The following ANGPT1 variants were observed in gnomAD, a reference collection of about 807,000 sequenced individuals.
The protein encoded by ANGPT1 is angiopoietin 1.
A neutral mutation model predicts 62.2 loss-of-function variants in ANGPT1; 17 were observed. The observed-to-expected ratio is 0.27, with a 90% CI of 0.19 to 0.41. ANGPT1 has a LOEUF of 0.41. Ranked by LOEUF, ANGPT1 falls within the 10% of genes least tolerant of loss-of-function variation. The pLI is 1.00. For synonymous variants in ANGPT1, 199 were observed against 198.9 expected, an observed-to-expected ratio of 1.00 and a Z score of 0.00; for missense variants, 478 against 594.9, an observed-to-expected ratio of 0.80 and a Z score of 2.04.
At chr8:107,415,341 T>G (rs1810711667) in intron 1 of ANGPT1, among the ~76,000 whole-genome samples, 1 of 152,166 alleles carries the variant, frequency 6.6e-6, no homozygotes, top group African/African-American at 2.4e-5. Flanking sequence ...GCTTGTATTT[T>G]GAGTCAACTA....
In ANGPT1 at chr8:107,497,174, CAAATGCTCCCCTAAGGAACTTT is replaced by C. The variant is rs1019996495; in HGVS notation, c.297+66_297+87del. The C allele has an allele frequency of 9.7e-6, 14 of 1,438,574 alleles. No homozygotes were observed. In the African/African-American group the frequency reaches 1.9e-4, roughly 19 times the overall value. 89.1% of individuals were successfully genotyped at this position (1,438,574 alleles called of 1,614,324 possible). A position where few individuals can be genotyped will look rare whatever the true frequency, so the allele number is the denominator to read the frequency against. On this transcript the variant is annotated intron_variant, in intron 1 of 8. Transcript: ENST00000517746. ...CCCCCTGGAGCAAAAGGTAAATACA[CAAATGCTCCCCTAAGGAACTTT>C]AAGTTAGCTGCAGTGCAAGAAAGGA...
intron 6 of ANGPT1, among the ~76,000 whole-genome samples, chr8:107,290,279 A>G (rs1013648308): frequency 6.6e-6 from 1 of 152,198 alleles, no homozygotes; most frequent in African/African-American, 2.4e-5. Context: ...GAGGAAAGGC[A>G]GAAAGGAAAG....
chr8:107,277,370 T>G (rs2130100730), intron 7 of ANGPT1, among the ~76,000 whole-genome samples: 1 of 152,324 alleles, frequency 6.6e-6, no homozygotes, highest in African/African-American at 2.4e-5. Context: ...CTTTTAACAT[T>G]TAAAAATAGT....
rs1277082776 is a variant in ANGPT1, at chr8:107,249,485, C to T, written c.*2370G>A. ...ACGTATTAAAAATAAAATGAAGTTG[C>T]ACAAATATTACTTTCAATTTTATTT... On this transcript the variant is annotated 3_prime_UTR_variant, in exon 9 of 9. Transcript: ENST00000517746. 1 of 152,074 alleles carries T rather than the reference C, an allele frequency of 6.6e-6. No individual in the cohort carries two copies. The highest frequency in any genetic ancestry group is 1.5e-5 in the Non-Finnish European group (1 of 68,000). The allele number at this position is 152,074 out of a possible 1,614,324, so 9.4% of individuals were successfully genotyped here.
chr8:107,276,415 T>C (rs1813868089), intron 7 of ANGPT1, among the ~76,000 whole-genome samples: 1 of 152,126 alleles, frequency 6.6e-6, no homozygotes, highest in South Asian at 2.1e-4. Context: ...TCAACATATT[T>C]GCTACTGGTT....
chr8:107,332,695 G>A (rs756319004), intron 3 of ANGPT1, among the ~76,000 whole-genome samples: 18 of 152,140 alleles, frequency 1.2e-4, no homozygotes, highest in Admixed American at 9.8e-4. Context: ...CTGACTTGGC[G>A]GCTGAAGCCC....
chr8:107,317,500 T>C (rs1019444436), intron 4 of ANGPT1, among the ~76,000 whole-genome samples: 3 of 152,136 alleles, frequency 2.0e-5, no homozygotes, highest in Non-Finnish European at 4.4e-5. Context: ...CTTTTCTTTT[T>C]TCCTTCCTTC....
intron 1 of ANGPT1, among the ~76,000 whole-genome samples, chr8:107,455,838 C>A (rs192402980): frequency 3.7e-4 from 56 of 152,056 alleles, no homozygotes; most frequent in African/African-American, 1.3e-3. Context: ...GGTAGAAGAA[C>A]CTCCCTCCTC....
intron 1 of ANGPT1, among the ~76,000 whole-genome samples, chr8:107,467,086 G>T (rs1431031903): frequency 6.6e-6 from 1 of 151,956 alleles, no homozygotes; most frequent in African/African-American, 2.4e-5. Context: ...TAGAACACAG[G>T]TTTGTCAAGT....
At chr8:107,431,768 GCACTGA>G (rs1811193665) in intron 1 of ANGPT1, among the ~76,000 whole-genome samples, 1 of 151,618 alleles carries the variant, frequency 6.6e-6, no homozygotes, top group South Asian at 2.1e-4. Context: ...ATCATGCTAG[GCACTGA>G]GGAAACAGTT....
intron 3 of ANGPT1, among the ~76,000 whole-genome samples, chr8:107,323,201 G>A (rs1218236523): frequency 6.6e-6 from 1 of 152,100 alleles, no homozygotes; most frequent in African/African-American, 2.4e-5. Context: ...CATTTTTGGA[G>A]CCTACCAACT....
intron 2 of ANGPT1, among the ~76,000 whole-genome samples, chr8:107,337,388 T>C (rs1815592746): frequency 6.6e-6 from 1 of 152,162 alleles, no homozygotes; most frequent in Non-Finnish European, 1.5e-5. Context: ...TGAATCACAA[T>C]GACCCATGTG....
intron 2 of ANGPT1, among the ~76,000 whole-genome samples, chr8:107,345,409 C>T (rs1815782930): frequency 6.6e-6 from 1 of 151,982 alleles, no homozygotes; most frequent in South Asian, 2.1e-4. Flanking sequence ...AACGTGCTAA[C>T]AATGGGACAT....
intron 4 of ANGPT1, among the ~76,000 whole-genome samples, chr8:107,306,029 A>G (rs982476198): frequency 1.3e-4 from 20 of 152,136 alleles, no homozygotes; most frequent in African/African-American, 4.3e-4. Flanking sequence ...AGTTATAAAT[A>G]CCTCTGAGAT....
chr8:107,420,449 T>A (rs1186979835), intron 1 of ANGPT1, among the ~76,000 whole-genome samples: 1 of 152,208 alleles, frequency 6.6e-6, no homozygotes, highest in African/African-American at 2.4e-5. Flanking sequence ...TAGAATTTAA[T>A]ACTATGATTG....
chr8:107,369,073 C>T (rs192695038), intron 1 of ANGPT1, among the ~76,000 whole-genome samples: 195 of 152,256 alleles, frequency 1.3e-3, no homozygotes, highest in African/African-American at 4.2e-3. Context: ...GCATCTTCCT[C>T]AATATAAAGT....
chr8:107,324,389 A>G (rs1322574094), intron 3 of ANGPT1, among the ~76,000 whole-genome samples: 1 of 151,986 alleles, frequency 6.6e-6, no homozygotes. Flanking sequence ...ATGTTGAGAG[A>G]CAGATCAGAT....
intron 1 of ANGPT1, among the ~76,000 whole-genome samples, chr8:107,404,962 TATGCTA>T (rs1423499149): frequency 2.6e-5 from 4 of 152,224 alleles, no homozygotes; most frequent in African/African-American, 9.6e-5. Context: ...AGTAAACATT[TATGCTA>T]ATAGCAGTAC....
At chr8:107,380,696 A>G (rs888296369) in intron 1 of ANGPT1, among the ~76,000 whole-genome samples, 2 of 152,150 alleles carry the variant, frequency 1.3e-5, no homozygotes, top group African/African-American at 4.8e-5. Flanking sequence ...TCTCCAAAAA[A>G]TGGACCTATT....
Sources: allele counts gnomAD v4.1 joint callset (sites outside exome capture counted in the v4.1 genomes callset), GRCh38; gene constraint gnomAD v4.1.1; transcripts MANE v1.5; gene names NCBI Gene and HGNC (gene_info 2026-07-23, HGNC 2026-07-21).